The following TENM2 variants were observed in gnomAD, a reference collection of about 807,000 sequenced individuals.
TENM2 encodes the protein teneurin transmembrane protein 2, also known as teneurin-2.
Under a neutral mutation model 245.2 loss-of-function variants are expected in TENM2, and 52 were observed. That is an observed-to-expected ratio of 0.21 (90% CI 0.17 to 0.27). The LOEUF (loss-of-function observed/expected upper bound fraction) is 0.27, where lower values mean the gene tolerates loss of function less well. Among genes scored for constraint, TENM2 ranks in the 10% least tolerant of loss-of-function variants. The pLI is 1.00. For missense variants in TENM2, 3,046 were observed against 3,666.8 expected, an observed-to-expected ratio of 0.83 and a Z score of 4.37; for synonymous variants, 1,363 against 1,438.9, an observed-to-expected ratio of 0.95 and a Z score of 1.19.
intron 2 of TENM2, among the ~76,000 whole-genome samples, chr5:167,736,658 T>C (rs2150575520): frequency 1.4e-5 from 2 of 145,446 alleles, no homozygotes; most frequent in Non-Finnish European, 3.0e-5. Context: ...GCCAGTCACC[T>C]AGGACCTCCA....
intron 6 of TENM2, among the ~76,000 whole-genome samples, chr5:168,056,652 G>A (rs1169997029): frequency 6.6e-6 from 1 of 152,182 alleles, no homozygotes; most frequent in African/African-American, 2.4e-5. Context: ...GTCAAAAGTA[G>A]CATACAGTAA....
chr5:167,800,690 G>A (rs753616497), intron 2 of TENM2, among the ~76,000 whole-genome samples: 1 of 152,140 alleles, frequency 6.6e-6, no homozygotes, highest in Admixed American at 6.5e-5. Flanking sequence ...TGGCAGCCCC[G>A]TGGGCTTTGC....
intron 1 of TENM2, among the ~76,000 whole-genome samples, chr5:167,366,794 C>G (rs1273382318): frequency 6.6e-6 from 1 of 152,070 alleles, no homozygotes; most frequent in East Asian, 1.9e-4. Flanking sequence ...CTCTCTTTCT[C>G]TGATGAAAAA....
intron 1 of TENM2, among the ~76,000 whole-genome samples, chr5:167,341,487 T>G (rs909176637): frequency 6.6e-6 from 1 of 152,110 alleles, no homozygotes; most frequent in Non-Finnish European, 1.5e-5. Context: ...TTTCATGTAT[T>G]GTTTTCTGTT....
chr5:167,672,804 C>T (rs368252568), intron 2 of TENM2, among the ~76,000 whole-genome samples: 1 of 150,016 alleles, frequency 6.7e-6, no homozygotes, highest in East Asian at 2.0e-4. Flanking sequence ...GACAAAAGAA[C>T]AAGAGTGGTG....
the TENM2 span, among the ~76,000 whole-genome samples, chr5:167,137,174 G>A: frequency 1.7e-4 from 26 of 152,022 alleles, no homozygotes; most frequent in Non-Finnish European, 2.6e-4. Context: ...CTTCCCAAAG[G>A]TTCAAATATT....
chr5:167,075,913 G>A, the TENM2 span, among the ~76,000 whole-genome samples: 1 of 152,156 alleles, frequency 6.6e-6, no homozygotes, highest in Non-Finnish European at 1.5e-5. Flanking sequence ...AGCTCTAGTA[G>A]AATAAATGAG....
intron 2 of TENM2, among the ~76,000 whole-genome samples, chr5:167,546,742 C>T (rs1468413026): frequency 2.0e-5 from 3 of 152,166 alleles, no homozygotes; most frequent in African/African-American, 7.2e-5. Context: ...GAAATAATGA[C>T]AACCAAGCAT....
the TENM2 span, among the ~76,000 whole-genome samples, chr5:167,136,564 G>A: frequency 5.3e-5 from 8 of 152,220 alleles, no homozygotes; most frequent in Admixed American, 3.9e-4. Context: ...CCTTTGGGAT[G>A]GAGCTAATTA....
chr5:168,117,231 C>T (rs1320485344), intron 9 of TENM2, among the ~76,000 whole-genome samples: 4 of 152,174 alleles, frequency 2.6e-5, no homozygotes, highest in Non-Finnish European at 2.9e-5. Flanking sequence ...AGCTGATGGG[C>T]GAACTACTAG....
At chr5:167,571,399 T>C in intron 2 of TENM2, among the ~76,000 whole-genome samples, 1 of 152,200 alleles carries the variant, frequency 6.6e-6, no homozygotes, top group Non-Finnish European at 1.5e-5. Flanking sequence ...CGCTGTCATA[T>C]AAGCATATGA....
the TENM2 span, among the ~76,000 whole-genome samples, chr5:167,038,548 A>G: frequency 6.6e-6 from 1 of 152,166 alleles, no homozygotes; most frequent in African/African-American, 2.4e-5. Flanking sequence ...GAACAAGAGC[A>G]TTTTTGTTAA....
chr5:167,012,415 A>C, the TENM2 span, among the ~76,000 whole-genome samples: 6 of 152,336 alleles, frequency 3.9e-5, no homozygotes, highest in East Asian at 1.2e-3. Context: ...ATGTTTAAAC[A>C]ACCAGTAAGC....
At chr5:167,375,503 G>A (rs1174419930) in intron 2 of TENM2, 30 bp downstream of exon 4, 3 of 1,548,290 alleles carry the variant, frequency 1.9e-6, no homozygotes, top group Admixed American at 3.9e-5. Context: ...ACCTTTTAAC[G>A]TTCTGTGCAC....
At chr5:168,023,390 G>A (rs529875867) in intron 5 of TENM2, among the ~76,000 whole-genome samples, 4 of 152,226 alleles carry the variant, frequency 2.6e-5, no homozygotes, top group South Asian at 2.1e-4. Context: ...GAAGATGAGC[G>A]CCTGAGCTGC....
At chr5:168,124,915 C>A in exon 11 of TENM2, 1 of 1,613,140 alleles carries the variant, frequency 6.2e-7, no homozygotes, top group African/African-American at 1.3e-5. Context: ...CCTGTGCAGC[C>A]CTGGCTGGGG....
chr5:167,508,610 T>A (rs1343827747), intron 2 of TENM2, among the ~76,000 whole-genome samples: 1 of 152,178 alleles, frequency 6.6e-6, no homozygotes, highest in Non-Finnish European at 1.5e-5. Flanking sequence ...TGCAAGGTGG[T>A]GTATACTGCA....
At chr5:167,791,159 C>G (rs1332527965) in intron 2 of TENM2, among the ~76,000 whole-genome samples, 1 of 152,030 alleles carries the variant, frequency 6.6e-6, no homozygotes, top group African/African-American at 2.4e-5. Flanking sequence ...TAGCAAAGCA[C>G]TATGCCTTCA....
intron 3 of TENM2, among the ~76,000 whole-genome samples, chr5:167,913,502 C>G (rs899785102): frequency 6.6e-6 from 1 of 152,312 alleles, no homozygotes; most frequent in African/African-American, 2.4e-5. Flanking sequence ...GTTCCCATTT[C>G]TCAATCTCTT....
Sources: allele counts gnomAD v4.1 joint callset (sites outside exome capture counted in the v4.1 genomes callset), GRCh38; gene constraint gnomAD v4.1.1; transcripts MANE v1.5; gene names NCBI Gene and HGNC (gene_info 2026-07-23, HGNC 2026-07-21).